Variants in AKAP6 observed in about 807,000 individuals in gnomAD.
The protein encoded by AKAP6 is A-kinase anchoring protein 6.
In AKAP6, 58 loss-of-function variants were observed where a neutral mutation model predicts 188.5. That is an observed-to-expected ratio of 0.31 (90% CI 0.25 to 0.38). The LOEUF (loss-of-function observed/expected upper bound fraction) is 0.38. Ranked by LOEUF, AKAP6 falls within the 10% of genes least tolerant of loss-of-function variation. The pLI is 1.00. For missense variants in AKAP6, 2,710 were observed against 2,740.0 expected (o/e 0.99, Z 0.24); for synonymous variants, 989 against 998.6 (o/e 0.99, Z 0.18).
intron 2 of AKAP6, among the ~76,000 whole-genome samples, chr14:32,443,410 A>C (rs79159222): frequency 8.6e-6 from 1 of 116,190 alleles, no homozygotes; most frequent in East Asian, 3.1e-4. Flanking sequence ...AACAAAACAA[A>C]AAAAAAACAA....
intron 9 of AKAP6, among the ~76,000 whole-genome samples, chr14:32,700,693 G>A (rs1194695841): frequency 1.3e-5 from 2 of 152,114 alleles, no homozygotes; most frequent in Non-Finnish European, 2.9e-5. Flanking sequence ...GGAGCAATAG[G>A]CTCTACCGTA....
chr14:32,790,700 A>G (rs1262983082), intron 12 of AKAP6, among the ~76,000 whole-genome samples: 1 of 152,148 alleles, frequency 6.6e-6, no homozygotes, highest in Non-Finnish European at 1.5e-5. Flanking sequence ...TGCTGCAGCC[A>G]TCAACCTGTC....
chr14:32,525,411 G>A lies in AKAP6; in HGVS notation c.325-10143G>A, dbSNP rs528018868. 2.0e-5 allele frequency among the ~76,000 whole-genome samples: 3 copies of A among 152,198 alleles called. No individual in the cohort carries two copies. The South Asian group carries it at 6.2e-4, about 32-fold the overall frequency. On this transcript the variant is annotated intron_variant, in intron 2 of 13. Transcript: ENST00000280979. ...GCAATCTACGTTTGTATATGGCCAG[G>A]TATATCCTGACAGAACTTCTAATTG...
chr14:32,757,802 G>T (rs1392893532), intron 11 of AKAP6, among the ~76,000 whole-genome samples: 1 of 152,166 alleles, frequency 6.6e-6, no homozygotes, highest in Admixed American at 6.5e-5. Flanking sequence ...GTGTGCTATG[G>T]AAGTGCACAA....
intron 1 of AKAP6, among the ~76,000 whole-genome samples, chr14:32,402,747 T>A (rs952473890): frequency 1.3e-5 from 2 of 151,740 alleles, no homozygotes; most frequent in Admixed American, 1.3e-4. Context: ...TTTTTTTCTT[T>A]GAGACAGAGC....
At chr14:32,469,058 C>T (rs17099168) in intron 2 of AKAP6, among the ~76,000 whole-genome samples, 3,019 of 152,182 alleles carry the variant, frequency 0.02, 87 homozygotes, top group African/African-American at 0.067. Flanking sequence ...GCTGATCCCT[C>T]GTCTGTTTTG....
At chr14:32,741,184 T>C (rs1024103304) in intron 11 of AKAP6, among the ~76,000 whole-genome samples, 4 of 152,092 alleles carry the variant, frequency 2.6e-5, no homozygotes, top group Non-Finnish European at 5.9e-5. Flanking sequence ...TTGTTCACTG[T>C]TGACATATAG....
chr14:32,677,605 G>A (rs1439057943), intron 7 of AKAP6, among the ~76,000 whole-genome samples: 2 of 152,114 alleles, frequency 1.3e-5, no homozygotes, highest in African/African-American at 4.8e-5. Context: ...CACAACAGCT[G>A]CAATAAATAA....
At chr14:32,495,873 C>T (rs1453106744) in intron 2 of AKAP6, among the ~76,000 whole-genome samples, 1 of 152,084 alleles carries the variant, frequency 6.6e-6, no homozygotes, top group African/African-American at 2.4e-5. Context: ...CAACACTACT[C>T]TTTTCCAAAT....
intron 7 of AKAP6, among the ~76,000 whole-genome samples, chr14:32,676,365 G>A (rs1054973965): frequency 1.3e-5 from 2 of 152,022 alleles, no homozygotes; most frequent in African/African-American, 4.8e-5. Flanking sequence ...TACATCAGTA[G>A]TTATTATTCT....
intron 12 of AKAP6, among the ~76,000 whole-genome samples, chr14:32,818,923 C>T (rs778031815): frequency 6.6e-6 from 1 of 152,202 alleles, no homozygotes; most frequent in African/African-American, 2.4e-5. Context: ...TTAGCACTCT[C>T]AGAGTACAGT....
rs556596418 is a variant in AKAP6 at position 32,758,481 on chromosome 14, C to G, written c.3373-15197C>G. On this transcript the variant is annotated intron_variant, in intron 11 of 13. Transcript: ENST00000280979. ...GGGTGCAATGGCTCACGCCTGTAAT[C>G]CCAGCACTTTGGGAGGCCGAGGCGG... 8.6e-4 allele frequency among the ~76,000 whole-genome samples: 131 copies of G among 152,320 alleles called. 1 individual carries two copies. Among genetic ancestry groups the G allele is most frequent in the Non-Finnish European group, 1.5e-3 (104 of 68,034 alleles).
At chr14:32,414,544 C>T (rs12879580) in intron 1 of AKAP6, among the ~76,000 whole-genome samples, 96,474 of 151,962 alleles carry the variant, frequency 0.63, 32,874 homozygotes, top group Non-Finnish European at 0.76. Context: ...ATACTGTTCC[C>T]GCTGGTCATC....
chr14:32,791,698 G>A (rs2033615368), intron 12 of AKAP6, among the ~76,000 whole-genome samples: 1 of 152,086 alleles, frequency 6.6e-6, no homozygotes, highest in South Asian at 2.1e-4. Context: ...CTTTGCCCAT[G>A]CCTATGTCCT....
At chr14:32,691,304 T>C (rs1201902509) in intron 8 of AKAP6, among the ~76,000 whole-genome samples, 2 of 152,316 alleles carry the variant, frequency 1.3e-5, no homozygotes, top group African/African-American at 4.8e-5. Flanking sequence ...TGTTAACTAG[T>C]TCTCCCCTAC....
chr14:32,455,516 T>A (rs967179761), intron 2 of AKAP6, among the ~76,000 whole-genome samples: 4 of 152,206 alleles, frequency 2.6e-5, no homozygotes, highest in Admixed American at 2.6e-4. Context: ...AATTAGATAG[T>A]GTGATGATTT....
At chr14:32,686,043 T>C (rs533817841) in intron 8 of AKAP6, among the ~76,000 whole-genome samples, 2 of 152,284 alleles carry the variant, frequency 1.3e-5, no homozygotes, top group East Asian at 3.9e-4. Context: ...AACTTAAGTG[T>C]CCATCAGCAG....
chr14:32,467,663 A>T (rs2138849141), intron 2 of AKAP6, among the ~76,000 whole-genome samples: 1 of 152,108 alleles, frequency 6.6e-6, no homozygotes, highest in South Asian at 2.1e-4. Context: ...TGTCTTAAAA[A>T]GCAGGATGGT....
chr14:32,334,098 T>C (rs1220303665), intron 1 of AKAP6, among the ~76,000 whole-genome samples: 1 of 152,064 alleles, frequency 6.6e-6, no homozygotes, highest in Non-Finnish European at 1.5e-5. Context: ...GGGCCCTGAG[T>C]GTGGTTTTTC....
Sources: gnomAD v4.1 joint callset for allele counts (sites outside exome capture counted in the v4.1 genomes callset) on GRCh38, gnomAD v4.1.1 for gene constraint, MANE v1.5 for transcripts, NCBI Gene and HGNC (gene_info 2026-07-23, HGNC 2026-07-21) for gene names.